GLG1: variants seen among roughly 807,000 people sequenced by gnomAD.
GLG1 encodes the protein golgi glycoprotein 1.
Under a neutral mutation model 160.5 loss-of-function variants are expected in GLG1, and 38 were observed. The ratio of observed to expected loss-of-function variants is 0.24; its 90% CI spans 0.18 to 0.31. GLG1 has a LOEUF of 0.31. Among genes scored for constraint, GLG1 ranks in the 10% least tolerant of loss-of-function variants. GLG1 has a pLI of 1.00. For synonymous variants in GLG1, 644 were observed against 543.4 expected (o/e 1.19, Z -2.57); for missense variants, 1,373 against 1,505.2 (o/e 0.91, Z 1.45).
chr16:74,480,735 T>C (rs1376108536), intron 10 of GLG1, among the ~76,000 whole-genome samples: 1 of 151,952 alleles, frequency 6.6e-6, no homozygotes, highest in Non-Finnish European at 1.5e-5. Flanking sequence ...ATATTTTTGG[T>C]AGAACAGAGT....
chr16:74,576,026 C>A (rs950504238), intron 1 of GLG1, among the ~76,000 whole-genome samples: 3 of 151,964 alleles, frequency 2.0e-5, no homozygotes, highest in Non-Finnish European at 4.4e-5. Flanking sequence ...GTGGTGAAAC[C>A]CTGTCTCTAC....
chr16:74,478,551 G>A (rs1329686583), intron 11 of GLG1, among the ~76,000 whole-genome samples: 6 of 152,142 alleles, frequency 3.9e-5, no homozygotes, highest in Admixed American at 3.3e-4. Flanking sequence ...GGAGTGTTTT[G>A]AAACTAGACA....
chr16:74,526,523 A>C (rs2017338680), intron 2 of GLG1, among the ~76,000 whole-genome samples: 1 of 147,632 alleles, frequency 6.8e-6, no homozygotes, highest in African/African-American at 2.5e-5. Context: ...CAGAAGTTAG[A>C]GGTCAGCCTG....
chr16:74,584,882 C>T (rs1047303505), intron 1 of GLG1, among the ~76,000 whole-genome samples: 4 of 150,424 alleles, frequency 2.7e-5, no homozygotes, highest in East Asian at 3.9e-4. Context: ...TGCCACTGCA[C>T]TCCAGCCTGG....
At chr16:74,471,380 C>A in intron 14 of GLG1, 94 bp from the exon 15 acceptor site, 1 of 727,660 alleles carries the variant, frequency 1.4e-6, no homozygotes, top group South Asian at 1.6e-5. Flanking sequence ...AAGGTTAGTT[C>A]TAGAAGCCCT....
At chr16:74,545,614 T>C (rs2143674241) in intron 1 of GLG1, among the ~76,000 whole-genome samples, 1 of 152,368 alleles carries the variant, frequency 6.6e-6, no homozygotes, top group Admixed American at 6.5e-5. Context: ...ATTTAGGTTT[T>C]TGTTTCTAAG....
At chr16:74,453,544 C>T (rs909797456) in intron 25 of GLG1, among the ~76,000 whole-genome samples, 1 of 152,202 alleles carries the variant, frequency 6.6e-6, no homozygotes, top group East Asian at 1.9e-4. Context: ...ATTAGAAATA[C>T]AGAAAGAGAC....
At chr16:74,550,334 A>G (rs1168033611) in intron 1 of GLG1, among the ~76,000 whole-genome samples, 2 of 152,078 alleles carry the variant, frequency 1.3e-5, no homozygotes, top group African/African-American at 4.8e-5. Flanking sequence ...GTCTCAATTG[A>G]TAGAAGACCA....
intron 13 of GLG1, chr16:74,472,864 A>C (rs564731622): frequency 1.3e-4 from 38 of 299,566 alleles, no homozygotes; most frequent in Admixed American, 3.7e-4. Flanking sequence ...TAATGCCTTT[A>C]AAGAGAGAAA....
chr16:74,533,609 C>T (rs2017606595), intron 1 of GLG1, among the ~76,000 whole-genome samples: 1 of 151,430 alleles, frequency 6.6e-6, no homozygotes, highest in Admixed American at 6.6e-5. Flanking sequence ...GATGAAACCC[C>T]GTCTCCAGTA....
intron 3 of GLG1, among the ~76,000 whole-genome samples, chr16:74,504,617 A>C (rs1486424254): frequency 6.6e-6 from 1 of 152,218 alleles, no homozygotes; most frequent in African/African-American, 2.4e-5. Context: ...AATGTGTTCT[A>C]AATTAACTAT....
chr16:74,490,944 G>A (rs2015959100), intron 8 of GLG1, 57 bp downstream of exon 8: 3 of 1,208,340 alleles, frequency 2.5e-6, no homozygotes, highest in Non-Finnish European at 3.7e-6. Flanking sequence ...GCATCAGGAA[G>A]AGGCTCTTCA....
chr16:74,585,680 C>T (rs1028505398), intron 1 of GLG1, among the ~76,000 whole-genome samples: 5 of 146,790 alleles, frequency 3.4e-5, no homozygotes, highest in Middle Eastern at 6.9e-3. Flanking sequence ...TGTACTCCAG[C>T]CTGGGTGACA....
At chr16:74,490,857 A>C (rs2015955809) in intron 8 of GLG1, 144 bp downstream of exon 8, 4 of 626,104 alleles carry the variant, frequency 6.4e-6, no homozygotes, top group South Asian at 6.0e-5. Context: ...CTGAAGAAGC[A>C]ACGTTCAGTC....
At chr16:74,467,715 C>G (rs1228593728) in intron 18 of GLG1, 41 bp downstream of exon 18, 1 of 1,231,722 alleles carries the variant, frequency 8.1e-7, no homozygotes, top group Non-Finnish European at 1.2e-6. Context: ...ATATTACCTT[C>G]ACATTACTTT....
At chr16:74,591,998 C>A (rs79626745) in intron 1 of GLG1, among the ~76,000 whole-genome samples, 1 of 152,122 alleles carries the variant, frequency 6.6e-6, no homozygotes, top group Non-Finnish European at 1.5e-5. Context: ...CATTTAAATA[C>A]CATGCATATA....
intron 2 of GLG1, among the ~76,000 whole-genome samples, chr16:74,522,476 G>A (rs964344601): frequency 6.6e-6 from 1 of 152,168 alleles, no homozygotes; most frequent in African/African-American, 2.4e-5. Context: ...GCGAAGTTAA[G>A]CACCTTTTCA....
Position 74,453,031 on chromosome 16 carries a change from G to C in GLG1, c.*136C>G. The C allele has an allele frequency of 2.0e-6, 3 of 1,467,274 alleles. No homozygotes were observed. The highest frequency in any genetic ancestry group is 2.7e-6 in the Non-Finnish European group (3 of 1,108,928). The allele number at this position is 1,467,274 out of a possible 1,614,324, so 90.9% of individuals were successfully genotyped here. A position where few individuals can be genotyped will look rare whatever the true frequency, so the allele number is the denominator to read the frequency against. On this transcript the variant is annotated 3_prime_UTR_variant, in exon 26 of 26. Coordinates refer to ENST00000422840, the MANE Select transcript of GLG1 (RefSeq NM_001145667.2). ...ACGAGTGGAGGCTGGATGGGACAAC[G>C]CAGTGGACATCTGCTAATGCTCTAA...
intron 3 of GLG1, among the ~76,000 whole-genome samples, chr16:74,507,965 C>A (rs1210779545): frequency 6.6e-6 from 1 of 151,884 alleles, no homozygotes; most frequent in African/African-American, 2.4e-5. Context: ...AACGATATGC[C>A]TTTCTGCTCG....
Sources: gnomAD v4.1 joint callset for allele counts (sites outside exome capture counted in the v4.1 genomes callset) on GRCh38, gnomAD v4.1.1 for gene constraint, MANE v1.5 for transcripts, NCBI Gene and HGNC (gene_info 2026-07-23, HGNC 2026-07-21) for gene names.